Variants in PIEZO2 observed in about 807,000 individuals in gnomAD.
PIEZO2 encodes piezo-type mechanosensitive ion channel component 2.
PIEZO2 carries 172 observed loss-of-function variants against 337.3 expected under a neutral mutation model. That is an observed-to-expected ratio of 0.51 (90% CI 0.45 to 0.58). The LOEUF (loss-of-function observed/expected upper bound fraction) is 0.58. Ranked by LOEUF, PIEZO2 falls within the 20% of genes least tolerant of loss-of-function variation. The pLI is 0.00. For missense variants in PIEZO2, 3,028 were observed against 3,391.3 expected (o/e 0.89, Z 2.66); for synonymous variants, 1,251 against 1,228.5 (o/e 1.02, Z -0.38).
Position 10,766,956 on chromosome 18 carries a change from G to C in PIEZO2, c.2946+3192C>G, listed in dbSNP as rs535971938. Among the ~76,000 whole-genome samples the C allele has an allele frequency of 6.6e-6, 1 of 151,766 alleles. No individual in the cohort carries two copies. Among genetic ancestry groups the C allele is most frequent in the Admixed American group, 6.6e-5 (1 of 15,266 alleles). On this transcript the variant is annotated intron_variant, in intron 21 of 55. Coordinates refer to ENST00000674853, the MANE Select transcript of PIEZO2 (RefSeq NM_001378183.1). This position sits in a 1 kb window ranked among gnomAD's most constrained non-coding sequence, Gnocchi z 6.1. ...AAGGAGAAACCTCAGGTCTGCAAAA[G>C]TTTCCTTCCTTCCTTCCTCCCACCT...
At chr18:10,802,907 G>C (rs2039874433) in intron 9 of PIEZO2, among the ~76,000 whole-genome samples, 1 of 151,650 alleles carries the variant, frequency 6.6e-6, no homozygotes, top group African/African-American at 2.4e-5. Context: ...AGGAGGCAGA[G>C]GTTGCAGTGA....
At chr18:10,851,466 T>C (rs1022225980) in intron 7 of PIEZO2, among the ~76,000 whole-genome samples, 2 of 152,162 alleles carry the variant, frequency 1.3e-5, no homozygotes, top group Non-Finnish European at 2.9e-5. Context: ...GGGGATGATG[T>C]ACCGAAATGT....
At position 10,846,158 on chromosome 18, in the gene PIEZO2, G is replaced by A. The variant is rs565351583; in HGVS notation, c.917+9195C>T. 1.3e-5 allele frequency among the ~76,000 whole-genome samples: 2 copies of A among 152,324 alleles called. No individual in the cohort carries two copies. The highest frequency in any genetic ancestry group is 2.9e-5 in the Non-Finnish European group (2 of 68,038). ...AAGACTTGGCAATTTACAAAAGAAT[G>A]AGGTTTATTGGACTTACAGTTCCAC... On this transcript the variant is annotated intron_variant, in intron 7 of 55. Transcript: ENST00000674853. The surrounding 1 kb of genome is among the most constrained non-coding windows in gnomAD (Gnocchi z 4.1).
intron 2 of PIEZO2, among the ~76,000 whole-genome samples, chr18:10,990,999 GT>G (rs1217182047): frequency 2.0e-5 from 3 of 151,788 alleles, no homozygotes; most frequent in Non-Finnish European, 4.4e-5. Flanking sequence ...ATCTGGTTTG[GT>G]ATTAAGGTAA....
At chr18:10,845,976 A>G (rs2041345672) in intron 7 of PIEZO2, among the ~76,000 whole-genome samples, 1 of 152,168 alleles carries the variant, frequency 6.6e-6, no homozygotes, top group Non-Finnish European at 1.5e-5. Flanking sequence ...ATATTCAATA[A>G]TCTGTGGATG....
chr18:11,023,428 T>C (rs1421340269), intron 2 of PIEZO2, among the ~76,000 whole-genome samples: 1 of 152,160 alleles, frequency 6.6e-6, no homozygotes, highest in East Asian at 1.9e-4. Flanking sequence ...GAGTGTGGAT[T>C]GGTGCATTCA....
intron 3 of PIEZO2, among the ~76,000 whole-genome samples, chr18:10,944,492 T>G (rs1568224998): frequency 3.8e-5 from 1 of 26,394 alleles, no homozygotes; most frequent in African/African-American, 1.7e-4. Flanking sequence ...TAGTAACATA[T>G]ATATATATAT....
chr18:10,728,435 T>C (rs1030087611), intron 36 of PIEZO2: 4 of 152,222 alleles, frequency 2.6e-5, no homozygotes, highest in African/African-American at 9.6e-5. Flanking sequence ...CGTATAAATG[T>C]TTGTGCAGTG....
intron 3 of PIEZO2, among the ~76,000 whole-genome samples, chr18:10,939,865 C>T (rs1386507538): frequency 1.3e-5 from 2 of 151,948 alleles, no homozygotes; most frequent in Non-Finnish European, 2.9e-5. Context: ...AGCAAACCAC[C>T]ACGGCATATG....
intron 7 of PIEZO2, among the ~76,000 whole-genome samples, chr18:10,814,170 T>C (rs549899509): frequency 5.7e-4 from 86 of 152,000 alleles, no homozygotes; most frequent in African/African-American, 9.7e-4. Context: ...AGGGTTTCAC[T>C]GTGTTAGCCA....
rs2038999060 is a variant in PIEZO2 at position 10,781,983 on chromosome 18, A to G, written c.2493-1617T>C. Reference sequence around the variant, plus strand: ...TCATCATTTTGATTTTAATGTAGCCATTGTATTAGGACTCCAAGGACAAAA... The same window carrying G: ...TCATCATTTTGATTTTAATGTAGCCGTTGTATTAGGACTCCAAGGACAAAA... On this transcript the variant is annotated intron_variant, in intron 17 of 55. Transcript: ENST00000674853. The surrounding 1 kb of genome is among the most constrained non-coding windows in gnomAD (Gnocchi z 4.1). Among the ~76,000 whole-genome samples, 1 of 151,644 alleles carries G rather than the reference A, an allele frequency of 6.6e-6. No individual in the cohort carries two copies.
At chr18:10,996,746 G>T (rs1242618892) in intron 2 of PIEZO2, among the ~76,000 whole-genome samples, 1 of 152,134 alleles carries the variant, frequency 6.6e-6, no homozygotes, top group Non-Finnish European at 1.5e-5. Flanking sequence ...TGTTTATACA[G>T]TTTAGCTACT....
At chr18:11,059,844 T>A (rs939985347) in intron 2 of PIEZO2, among the ~76,000 whole-genome samples, 2 of 152,114 alleles carry the variant, frequency 1.3e-5, no homozygotes, top group African/African-American at 4.8e-5. Context: ...ATTAGACAGA[T>A]CAATGAGACA....
intron 2 of PIEZO2, among the ~76,000 whole-genome samples, chr18:11,004,281 A>G (rs921624404): frequency 6.6e-6 from 1 of 152,188 alleles, no homozygotes. Flanking sequence ...GAATTAATGT[A>G]GATATTTACC....
chr18:10,836,506 G>A (rs1227824620), intron 7 of PIEZO2, among the ~76,000 whole-genome samples: 1 of 152,102 alleles, frequency 6.6e-6, no homozygotes, highest in Non-Finnish European at 1.5e-5. Flanking sequence ...CTAGAAACCA[G>A]ATCACTTGCA....
rs1215209756 is a variant in PIEZO2, at chr18:11,128,219, G to T, written c.64+20306C>A. Among the ~76,000 whole-genome samples, 1 of 152,068 alleles carries T rather than the reference G, an allele frequency of 6.6e-6. No homozygotes were observed. The highest frequency in any genetic ancestry group is 1.5e-5 in the Non-Finnish European group (1 of 68,012). On this transcript the variant is annotated intron_variant, in intron 1 of 55. Coordinates refer to ENST00000674853, the MANE Select transcript of PIEZO2 (RefSeq NM_001378183.1). The surrounding 1 kb of genome is among the most constrained non-coding windows in gnomAD (Gnocchi z 4.1). Reference sequence around the variant, plus strand: ...GATGAAAGAAAATGATGAACTCAGGGATTCTGTCTCCAGGCTTCAGAAGCA... The same window carrying T: ...GATGAAAGAAAATGATGAACTCAGGTATTCTGTCTCCAGGCTTCAGAAGCA...
intron 1 of PIEZO2, among the ~76,000 whole-genome samples, chr18:11,087,407 A>G (rs939674528): frequency 3.9e-5 from 6 of 152,080 alleles, no homozygotes; most frequent in African/African-American, 1.4e-4. Flanking sequence ...TAACATAAGC[A>G]TCTCTCTCCC....
chr18:11,072,685 A>G (rs1279961488), intron 1 of PIEZO2, among the ~76,000 whole-genome samples: 7 of 152,228 alleles, frequency 4.6e-5, no homozygotes, highest in Non-Finnish European at 7.3e-5. Context: ...AAGCAGGCCC[A>G]GTGGGTACAG....
intron 2 of PIEZO2, among the ~76,000 whole-genome samples, chr18:10,989,985 C>A (rs142805757): frequency 6.6e-6 from 1 of 151,948 alleles, no homozygotes; most frequent in East Asian, 1.9e-4. Context: ...TACATGGAGA[C>A]GAATAATGAC....
Sources: gnomAD v4.1 joint callset for allele counts (sites outside exome capture counted in the v4.1 genomes callset) on GRCh38, gnomAD v4.1.1 for gene constraint, Gnocchi (gnomAD v3.1) non-coding constraint, MANE v1.5 for transcripts, NCBI Gene and HGNC (gene_info 2026-07-23, HGNC 2026-07-21) for gene names.